The following SAMD3 variants were observed in gnomAD, a reference collection of about 807,000 sequenced individuals.
The protein encoded by SAMD3 is sterile alpha motif domain containing 3, also known as sterile alpha motif domain-containing protein 3.
A neutral mutation model predicts 58.5 loss-of-function variants in SAMD3; 63 were observed. The observed-to-expected ratio is 1.08, with a 90% CI of 0.88 to 1.33. The LOEUF (loss-of-function observed/expected upper bound fraction) is 1.33. Ranked by LOEUF, SAMD3 falls within the 40% of genes most tolerant of loss-of-function variation. The pLI is 0.00. For synonymous variants in SAMD3, 220 were observed against 210.3 expected (o/e 1.05, Z -0.40); for missense variants, 604 against 608.4 (o/e 0.99, Z 0.08).
intron 5 of SAMD3, among the ~76,000 whole-genome samples, chr6:130,187,995 G>A (rs1359908516): frequency 6.6e-6 from 1 of 152,176 alleles, no homozygotes; most frequent in African/African-American, 2.4e-5. Context: ...CTTATGTGTA[G>A]AGCTTATATT....
intron 2 of SAMD3, among the ~76,000 whole-genome samples, chr6:130,257,736 T>C (rs1368893694): frequency 6.6e-6 from 1 of 152,194 alleles, no homozygotes; most frequent in Non-Finnish European, 1.5e-5. Flanking sequence ...ATTTTAAGTA[T>C]ACAACTTGAT....
At chr6:130,195,207 T>C (rs1445926940) in intron 5 of SAMD3, among the ~76,000 whole-genome samples, 2 of 152,068 alleles carry the variant, frequency 1.3e-5, no homozygotes, top group African/African-American at 4.8e-5. Context: ...CATGTCCTCC[T>C]CTTGTATCCC....
At chr6:130,245,149 G>A (rs1225963476) in intron 2 of SAMD3, among the ~76,000 whole-genome samples, 1 of 152,178 alleles carries the variant, frequency 6.6e-6, no homozygotes, top group Non-Finnish European at 1.5e-5. Context: ...TACAGCCACG[G>A]CACTGCCATT....
chr6:130,306,347 A>C (rs910266633), intron 2 of SAMD3, among the ~76,000 whole-genome samples: 1 of 152,240 alleles, frequency 6.6e-6, no homozygotes, highest in Non-Finnish European at 1.5e-5. Context: ...TAGAGGAACA[A>C]AAAAGGAAAG....
In SAMD3 at chr6:130,307,445, AC is replaced by A. The variant is rs745557943; in HGVS notation, c.-188+5532del. Among the ~76,000 whole-genome samples, 7 of 152,338 alleles carry A rather than the reference AC, an allele frequency of 4.6e-5. 1 individual carries two copies. On this transcript the variant is annotated intron_variant, in intron 2 of 13. Transcript: ENST00000368134. Reference sequence around the variant, plus strand: ...CTTTTCCTTCTTTTCTTTGTAATTAACTGTGAAAATAAGAGTTCTTCAAAGA... The same window carrying A: ...CTTTTCCTTCTTTTCTTTGTAATTAATGTGAAAATAAGAGTTCTTCAAAGA...
intron 2 of SAMD3, among the ~76,000 whole-genome samples, chr6:130,295,652 G>T (rs1775544572): frequency 6.6e-6 from 1 of 152,138 alleles, no homozygotes; most frequent in Non-Finnish European, 1.5e-5. Flanking sequence ...AGGGGAATGG[G>T]ATTATCATAA....
rs188608941 is a variant in SAMD3, at chr6:130,215,699, A to G, written c.-21-405T>C. 1.5e-5 allele frequency: 22 copies of G among 1,452,060 alleles called. No individual in the cohort carries two copies. The African/African-American group carries it at 2.8e-4, about 19-fold the overall frequency. 89.9% of individuals were successfully genotyped at this position (1,452,060 alleles called of 1,614,324 possible). A position where few individuals can be genotyped will look rare whatever the true frequency, so the allele number is the denominator to read the frequency against. On this transcript the variant is annotated intron_variant, in intron 2 of 11. Coordinates refer to ENST00000439090, the MANE Select transcript of SAMD3 (RefSeq NM_001017373.4). ...GCTCCTCAGGAAGTGGTTGACATTT[A>G]CAGAAGGGGTGGGCAGGAGAGGAAG... is the stretch of plus-strand genomic sequence containing the variant.
rs182240387 is a variant in SAMD3 at position 130,233,466 on chromosome 6, C to T, written c.-187-10653G>A. On this transcript the variant is annotated intron_variant, in intron 2 of 13. Transcript: ENST00000368134. ...GATTTAAATTTCAGATGAACAGAAG[C>T]TTCACACTGTCCTCCCAGCAGTCCA... is the stretch of plus-strand genomic sequence containing the variant. Among the ~76,000 whole-genome samples the T allele has an allele frequency of 2.5e-3, 380 of 152,302 alleles. 4 individuals are homozygous for T. Among genetic ancestry groups the T allele is most frequent in the Non-Finnish European group, 2.6e-3 (180 of 68,032 alleles).
rs138406237 is a variant in SAMD3 at position 130,332,404 on chromosome 6, TTAGAGG to T, written c.-303-19317_-303-19312del. ...ATGAGTTTGGAGCAAAAGGGAGGGG[TTAGAGG>T]TAAAGTCAGAGAAAGTGTCCTGGTC... On this transcript the variant is annotated intron_variant, in intron 1 of 13. Coordinates refer to the SAMD3 transcript ENST00000368134. 5.0e-3 allele frequency among the ~76,000 whole-genome samples: 755 copies of T among 152,018 alleles called. 8 individuals carry two copies. Among genetic ancestry groups the T allele is most frequent in the African/African-American group, 0.018 (727 of 41,466 alleles).
intron 2 of SAMD3, among the ~76,000 whole-genome samples, chr6:130,248,905 A>T (rs763767979): frequency 8.5e-5 from 13 of 152,228 alleles, no homozygotes; most frequent in Non-Finnish European, 1.5e-4. Flanking sequence ...TGGCAATCAG[A>T]TGTAAAACTT....
intron 1 of SAMD3, among the ~76,000 whole-genome samples, chr6:130,323,314 CTG>C: frequency 6.6e-6 from 1 of 152,272 alleles, no homozygotes; most frequent in South Asian, 2.1e-4. Flanking sequence ...CCTGGCTTCC[CTG>C]TGAGATGCTC....
intron 5 of SAMD3, among the ~76,000 whole-genome samples, chr6:130,195,385 G>A (rs1794000816): frequency 6.6e-6 from 1 of 152,162 alleles, no homozygotes; most frequent in African/African-American, 2.4e-5. Context: ...GCCTGCTACA[G>A]CATGGTGTTT....
At chr6:130,173,288 C>A (rs557403243) in intron 8 of SAMD3, among the ~76,000 whole-genome samples, 1 of 152,184 alleles carries the variant, frequency 6.6e-6, no homozygotes, top group Admixed American at 6.5e-5. Context: ...GAATTTTCAG[C>A]GTTTTTGCAC....
intron 5 of SAMD3, among the ~76,000 whole-genome samples, chr6:130,188,646 T>C (rs1793226073): frequency 6.6e-6 from 1 of 152,194 alleles, no homozygotes; most frequent in African/African-American, 2.4e-5. Flanking sequence ...TCACCGGGAC[T>C]GCTTCCTCTA....
intron 8 of SAMD3, among the ~76,000 whole-genome samples, chr6:130,175,395 G>C (rs1791628424): frequency 6.6e-6 from 1 of 152,174 alleles, no homozygotes; most frequent in South Asian, 2.1e-4. Flanking sequence ...GCAGGGAAGG[G>C]AAGGCCACAA....
At chr6:130,231,045 T>C (rs1796530681) in intron 2 of SAMD3, among the ~76,000 whole-genome samples, 1 of 152,140 alleles carries the variant, frequency 6.6e-6, no homozygotes, top group African/African-American at 2.4e-5. Context: ...ACCTTAAAAA[T>C]TGTGTGCATG....
At chr6:130,158,656 A>G (rs546489265) in intron 8 of SAMD3, among the ~76,000 whole-genome samples, 1 of 152,320 alleles carries the variant, frequency 6.6e-6, no homozygotes, top group African/African-American at 2.4e-5. Context: ...TGGCGTTTTG[A>G]ACAAAGAATT....
rs184896554 is a variant in SAMD3 at position 130,256,752 on chromosome 6, G to T, written c.-187-33939C>A. Among the ~76,000 whole-genome samples the T allele has an allele frequency of 6.1e-3, 923 of 152,222 alleles. 6 individuals are homozygous for T. The highest frequency in any genetic ancestry group is 0.017 in the South Asian group (81 of 4,830). ...GACATAAAAAATAAAACATTTTATG[G>T]TTTCAAACTTATTTTAAACATCAAA... On this transcript the variant is annotated intron_variant, in intron 2 of 13. Transcript: ENST00000368134.
chr6:130,267,412 C>A (rs1018818241), intron 2 of SAMD3, among the ~76,000 whole-genome samples: 3 of 152,148 alleles, frequency 2.0e-5, no homozygotes. Context: ...CCATATGAAT[C>A]ATTATCAATC....
Sources: allele counts gnomAD v4.1 joint callset (sites outside exome capture counted in the v4.1 genomes callset), GRCh38; gene constraint gnomAD v4.1.1; transcripts MANE v1.5; gene names NCBI Gene and HGNC (gene_info 2026-07-23, HGNC 2026-07-21).